COL4A3: variants seen among roughly 807,000 people sequenced by gnomAD.
The protein encoded by COL4A3 is collagen type IV alpha 3 chain, also known as collagen alpha-3(IV) chain.
Under a neutral mutation model 217.4 loss-of-function variants are expected in COL4A3, and 135 were observed. The observed-to-expected ratio is 0.62, with a 90% CI of 0.54 to 0.72. COL4A3 has a LOEUF of 0.72. Among genes scored for constraint, COL4A3 ranks in the 30% least tolerant of loss-of-function variants. The pLI, the probability that COL4A3 is intolerant of heterozygous loss-of-function variation, is 0.00. For synonymous variants in COL4A3, 690 were observed against 736.3 expected (o/e 0.94, Z 1.02); for missense variants, 1,868 against 2,119.9 (o/e 0.88, Z 2.33).
intron 6 of COL4A3, chr2:227,246,252 G>A (rs1251885816): frequency 1.8e-6 from 1 of 570,058 alleles, no homozygotes; most frequent in Admixed American, 2.9e-5. Flanking sequence ...TCAACTGGTT[G>A]TTTTCATCTG....
intron 36 of COL4A3, 31 bp from the exon 37 acceptor site, chr2:227,290,716 A>G (rs1371253152): frequency 9.3e-6 from 15 of 1,608,874 alleles, no homozygotes; most frequent in African/African-American, 6.7e-5. Flanking sequence ...ATGTTTATCT[A>G]TTTTACTCTA....
At chr2:227,198,525 C>T (rs369501803) in intron 1 of COL4A3, among the ~76,000 whole-genome samples, 3 of 152,120 alleles carry the variant, frequency 2.0e-5, no homozygotes, top group East Asian at 3.8e-4. Context: ...TGGTTAGACA[C>T]GTTTTTAGAC....
intron 1 of COL4A3, among the ~76,000 whole-genome samples, chr2:227,178,326 C>T (rs911888971): frequency 2.0e-5 from 3 of 151,902 alleles, no homozygotes; most frequent in Non-Finnish European, 2.9e-5. Context: ...GAGGCTACAG[C>T]GAGCTGACAG....
chr2:227,299,614 A>T (rs890068537), intron 43 of COL4A3, among the ~76,000 whole-genome samples: 11 of 152,198 alleles, frequency 7.2e-5, no homozygotes, highest in African/African-American at 2.7e-4. Context: ...GAGTACTATT[A>T]TACTCTTATA....
chr2:227,245,534 G>A (rs2069285073), intron 5 of COL4A3, among the ~76,000 whole-genome samples: 1 of 152,152 alleles, frequency 6.6e-6, no homozygotes, highest in African/African-American at 2.4e-5. Context: ...CCCCACAGGT[G>A]CTGAAGGAAA....
chr2:227,291,681 TAAGA>T (rs1453476397), intron 37 of COL4A3, among the ~76,000 whole-genome samples: 1 of 152,122 alleles, frequency 6.6e-6, no homozygotes, highest in Admixed American at 6.5e-5. Context: ...AACAAAATCC[TAAGA>T]TAGATACATT....
intron 1 of COL4A3, among the ~76,000 whole-genome samples, chr2:227,206,095 A>G (rs979825418): frequency 1.3e-5 from 2 of 151,120 alleles, no homozygotes; most frequent in African/African-American, 4.9e-5. Flanking sequence ...TTTTTTCGAG[A>G]TGGAGTCTCA....
chr2:227,208,862 A>AAGAAAT (rs143063849), intron 1 of COL4A3, among the ~76,000 whole-genome samples: 22,963 of 151,624 alleles, frequency 0.15, 1,890 homozygotes, highest in Admixed American at 0.19. Context: ...AAAACAAAGA[A>AAGAAAT]AGAGGAGGGA....
chr2:227,209,108 G>C (rs1187185526), intron 1 of COL4A3, among the ~76,000 whole-genome samples: 1 of 152,186 alleles, frequency 6.6e-6, no homozygotes, highest in African/African-American at 2.4e-5. Context: ...AACATGACTT[G>C]AGAAAAAGTG....
chr2:227,251,077 T>C (rs2069712523), intron 9 of COL4A3, 63 bp from the exon 10 acceptor site: 1 of 1,190,844 alleles, frequency 8.4e-7, no homozygotes, highest in Non-Finnish European at 1.3e-6. Context: ...ATTTAATTAA[T>C]GGACATTGTT....
intron 47 of COL4A3, 111 bp from the exon 48 acceptor site, chr2:227,307,599 G>A (rs2073561869): frequency 2.2e-6 from 2 of 919,652 alleles, no homozygotes; most frequent in Non-Finnish European, 3.4e-6. Flanking sequence ...CTCTAGGATT[G>A]CTTTCAATTT....
intron 1 of COL4A3, among the ~76,000 whole-genome samples, chr2:227,181,119 C>A (rs1361931550): frequency 3.9e-5 from 6 of 152,084 alleles, no homozygotes; most frequent in African/African-American, 1.4e-4. Context: ...AATGAAAATA[C>A]CTGTTAATAG....
chr2:227,222,049 G>A (rs549614852), intron 1 of COL4A3, among the ~76,000 whole-genome samples: 54 of 151,272 alleles, frequency 3.6e-4, no homozygotes, highest in African/African-American at 1.3e-3. Context: ...ACCTACTTAA[G>A]AGGCTGAGAT....
chr2:227,176,466 G>A (rs76785651), intron 1 of COL4A3, among the ~76,000 whole-genome samples: 9,616 of 152,172 alleles, frequency 0.063, 361 homozygotes, highest in Admixed American at 0.092. Flanking sequence ...AACCTTCAGA[G>A]CCATTTGAAA....
intron 1 of COL4A3, among the ~76,000 whole-genome samples, chr2:227,235,240 GT>G (rs1384341061): frequency 1.7e-4 from 26 of 152,268 alleles, no homozygotes; most frequent in Admixed American, 7.8e-4. Context: ...CACACTTTGA[GT>G]TTTAGTAGAG....
At chr2:227,221,797 T>C (rs540568435) in intron 1 of COL4A3, among the ~76,000 whole-genome samples, 7 of 152,150 alleles carry the variant, frequency 4.6e-5, no homozygotes, top group Non-Finnish European at 1.0e-4. Context: ...TGGTGCATAG[T>C]ACATAATAAA....
At chr2:227,269,801 C>A in intron 23 of COL4A3, 109 bp from the exon 24 acceptor site, 1 of 889,892 alleles carries the variant, frequency 1.1e-6, no homozygotes, top group Non-Finnish European at 1.8e-6. Context: ...TAGAAGTTGT[C>A]TTTCTTTCCC....
chr2:227,237,068 G>T (rs1347289151), intron 1 of COL4A3, among the ~76,000 whole-genome samples: 1 of 152,204 alleles, frequency 6.6e-6, no homozygotes, highest in Admixed American at 6.5e-5. Flanking sequence ...ATGTGCATAG[G>T]TGTGAGGGCT....
At chr2:227,245,040 C>T (rs374913396) in intron 5 of COL4A3, 45 bp downstream of exon 5, 4 of 1,559,906 alleles carry the variant, frequency 2.6e-6, no homozygotes, top group South Asian at 1.1e-5. Flanking sequence ...TAAAAGTAAG[C>T]TCATTTTAAT....
Sources: gnomAD v4.1 joint callset for allele counts (sites outside exome capture counted in the v4.1 genomes callset) on GRCh38, gnomAD v4.1.1 for gene constraint, MANE v1.5 for transcripts, NCBI Gene and HGNC (gene_info 2026-07-23, HGNC 2026-07-21) for gene names.